The following TNRC6A variants were observed in gnomAD, a reference collection of about 807,000 sequenced individuals.
TNRC6A encodes the protein trinucleotide repeat-containing gene 6A protein.
TNRC6A carries 44 observed loss-of-function variants against 221.2 expected under a neutral mutation model. The observed-to-expected ratio is 0.20, with a 90% CI of 0.16 to 0.26. The LOEUF (loss-of-function observed/expected upper bound fraction) is 0.26. TNRC6A is among the 10% of genes least tolerant of loss of function. The pLI, the probability that TNRC6A is intolerant of heterozygous loss-of-function variation, is 1.00. For missense variants in TNRC6A, 2,199 were observed against 2,404.4 expected (o/e 0.91, Z 1.79); for synonymous variants, 847 against 838.5 (o/e 1.01, Z -0.18).
intron 2 of TNRC6A, among the ~76,000 whole-genome samples, chr16:24,665,605 A>G (rs540090635): frequency 3.7e-4 from 56 of 152,254 alleles, no homozygotes; most frequent in African/African-American, 1.3e-3. Flanking sequence ...GGGTAGGATA[A>G]TTCTTTGTTC....
intron 2 of TNRC6A, among the ~76,000 whole-genome samples, chr16:24,650,405 CTG>C (rs935548642): frequency 5.5e-4 from 84 of 152,266 alleles, no homozygotes; most frequent in African/African-American, 1.9e-3. Context: ...TGGCTCACGC[CTG>C]TAATCCCAGC....
At chr16:24,665,617 G>C (rs1435057874) in intron 2 of TNRC6A, among the ~76,000 whole-genome samples, 1 of 152,132 alleles carries the variant, frequency 6.6e-6, no homozygotes, top group African/African-American at 2.4e-5. Flanking sequence ...TCTTTGTTCT[G>C]AGAGGCTGTT....
At chr16:24,752,359 C>A (rs2057156614) in intron 3 of TNRC6A, among the ~76,000 whole-genome samples, 1 of 152,130 alleles carries the variant, frequency 6.6e-6, no homozygotes, top group South Asian at 2.1e-4. Flanking sequence ...TTCTGCATGT[C>A]CTGAGCCTAG....
intron 1 of TNRC6A, among the ~76,000 whole-genome samples, chr16:24,628,658 G>C (rs1004985739): frequency 6.6e-5 from 10 of 152,038 alleles, no homozygotes; most frequent in African/African-American, 2.4e-4. Context: ...TAATATTGAA[G>C]ACAGTATATA....
intron 2 of TNRC6A, among the ~76,000 whole-genome samples, chr16:24,723,277 T>C (rs1288222144): frequency 6.6e-6 from 1 of 151,900 alleles, no homozygotes; most frequent in Non-Finnish European, 1.5e-5. Flanking sequence ...GTGTTTTTGG[T>C]TGAGGGGAGA....
intron 2 of TNRC6A, among the ~76,000 whole-genome samples, chr16:24,656,118 G>A (rs2054905034): frequency 2.7e-5 from 4 of 149,964 alleles, no homozygotes; most frequent in African/African-American, 7.4e-5. Flanking sequence ...CTCTAGCCAG[G>A]GTGACAGAAC....
intron 2 of TNRC6A, among the ~76,000 whole-genome samples, chr16:24,715,582 T>G (rs1302900713): frequency 6.6e-6 from 1 of 151,716 alleles, no homozygotes; most frequent in African/African-American, 2.4e-5. Flanking sequence ...TTTGGGTGGT[T>G]CTTTTCCATT....
At chr16:24,628,743 A>G (rs1261753713) in intron 1 of TNRC6A, among the ~76,000 whole-genome samples, 2 of 152,192 alleles carry the variant, frequency 1.3e-5, no homozygotes, top group Non-Finnish European at 2.9e-5. Flanking sequence ...ATAGTAGTCT[A>G]TTAGTAGTTC....
At chr16:24,715,781 C>G (rs1277477930) in intron 2 of TNRC6A, among the ~76,000 whole-genome samples, 1 of 151,858 alleles carries the variant, frequency 6.6e-6, no homozygotes, top group Non-Finnish European at 1.5e-5. Context: ...CCAAGCCTGG[C>G]TAAATTTTTT....
At chr16:24,764,053 C>G (rs2057418963) in intron 4 of TNRC6A, among the ~76,000 whole-genome samples, 1 of 152,112 alleles carries the variant, frequency 6.6e-6, no homozygotes, top group South Asian at 2.1e-4. Context: ...TATCAGATCC[C>G]TAGACTTACC....
In TNRC6A at chr16:24,790,507, G is replaced by T. The variant is rs780733019; in HGVS notation, c.1865G>T (p.Ser622Ile). The change falls in exon 6 of 25, where the codon AGC (serine) becomes ATC (isoleucine). Residue 622 changes from serine (S) to isoleucine (I), a missense_variant. Transcript: ENST00000395799. ...LPSVEWNKLPSNQHSNDSANG... is the reference protein window; with the variant it reads ...LPSVEWNKLPINQHSNDSANG... ...AGCGTTGAGTGGAACAAACTGCCTAGCAATCAGCATTCCAATGATAGTGCA... is the reference window on the plus strand; with the variant it reads ...AGCGTTGAGTGGAACAAACTGCCTATCAATCAGCATTCCAATGATAGTGCA... 6.2e-7 allele frequency: 1 copy of T among 1,614,204 alleles called. No homozygotes were observed. Among genetic ancestry groups the T allele is most frequent in the South Asian group, 1.1e-5 (1 of 91,090 alleles).
intron 17 of TNRC6A, 136 bp downstream of exon 17, chr16:24,806,920 C>A: frequency 1.3e-6 from 1 of 797,508 alleles, no homozygotes; most frequent in Non-Finnish European, 2.0e-6. Context: ...CAGAGAGTTG[C>A]CATCCCCTCT....
rs1008737445 is a variant in TNRC6A at position 24,778,515 on chromosome 16, T to TTC, written c.589+1158_589+1159insCT. Reference sequence around the variant, plus strand: ...CATTGTTATTGGAAAGGATACAAATTTAAGTCATTGTCCTGAGTTAATATT... The same window carrying TTC: ...CATTGTTATTGGAAAGGATACAAATTTCTAAGTCATTGTCCTGAGTTAATATT... On this transcript the variant is annotated intron_variant, in intron 5 of 24. Transcript: ENST00000395799. 160 of 984,528 alleles carry TTC rather than the reference T, an allele frequency of 1.6e-4. No homozygotes were observed. The African/African-American group carries it at 2.7e-3, about 17-fold the overall frequency. 61.0% of individuals were successfully genotyped at this position (984,528 alleles called of 1,614,324 possible).
At chr16:24,653,502 G>A (rs1007003472) in intron 2 of TNRC6A, among the ~76,000 whole-genome samples, 2 of 152,132 alleles carry the variant, frequency 1.3e-5, no homozygotes, top group Admixed American at 6.5e-5. Context: ...ACTGCCAGGC[G>A]CGGTGGCTCA....
intron 2 of TNRC6A, among the ~76,000 whole-genome samples, chr16:24,649,035 C>G (rs541270660): frequency 1.3e-5 from 2 of 151,940 alleles, no homozygotes; most frequent in South Asian, 4.1e-4. Context: ...AATCTCAACA[C>G]TTTGGGGGAC....
chr16:24,628,210 G>A (rs1901134722), intron 1 of TNRC6A, among the ~76,000 whole-genome samples: 1 of 151,706 alleles, frequency 6.6e-6, no homozygotes, highest in Non-Finnish European at 1.5e-5. Context: ...CCTGAGGTCA[G>A]GAGTTGGAGA....
intron 2 of TNRC6A, among the ~76,000 whole-genome samples, chr16:24,706,991 A>ATTTATCTATT (rs1342132666): frequency 4.9e-5 from 5 of 102,408 alleles, no homozygotes; most frequent in African/African-American, 1.4e-4. Flanking sequence ...TTATTTATGT[A>ATTTATCTATT]TTTATTTATT....
intron 5 of TNRC6A, among the ~76,000 whole-genome samples, chr16:24,783,833 A>G (rs1363743922): frequency 6.6e-6 from 1 of 152,150 alleles, no homozygotes; most frequent in Non-Finnish European, 1.5e-5. Flanking sequence ...ATCATTTACA[A>G]CACTGGGTCT....
intron 22 of TNRC6A, 41 bp downstream of exon 22, chr16:24,820,401 C>G: frequency 6.4e-7 from 1 of 1,573,604 alleles, no homozygotes; most frequent in Non-Finnish European, 8.7e-7. Flanking sequence ...GGTTTATTTG[C>G]TAAACGCTAA....
Sources: allele counts gnomAD v4.1 joint callset (sites outside exome capture counted in the v4.1 genomes callset), GRCh38; gene constraint gnomAD v4.1.1; transcripts MANE v1.5; gene names NCBI Gene and HGNC (gene_info 2026-07-23, HGNC 2026-07-21).